Variants in BTBD10 observed in about 807,000 individuals in gnomAD.
The protein encoded by BTBD10 is BTB/POZ domain-containing protein 10.
A neutral mutation model predicts 53.2 loss-of-function variants in BTBD10; 21 were observed. That is an observed-to-expected ratio of 0.39 (90% CI 0.28 to 0.57). The LOEUF (loss-of-function observed/expected upper bound fraction) is 0.57. Ranked by LOEUF, BTBD10 falls within the 20% of genes least tolerant of loss-of-function variation. BTBD10 has a pLI of 0.53. For synonymous variants in BTBD10, 149 were observed against 192.7 expected, an observed-to-expected ratio of 0.77 and a Z score of 1.88; for missense variants, 360 against 594.7, an observed-to-expected ratio of 0.61 and a Z score of 4.10.
chr11:13,407,617 T>G (rs143077419), intron 6 of BTBD10, among the ~76,000 whole-genome samples: 1 of 152,212 alleles, frequency 6.6e-6, no homozygotes, highest in African/African-American at 2.4e-5. Context: ...TTGAATTGTG[T>G]TATTTCCTTC....
chr11:13,409,013 C>T (rs1274369434), intron 6 of BTBD10, among the ~76,000 whole-genome samples: 1 of 152,214 alleles, frequency 6.6e-6, no homozygotes, highest in East Asian at 1.9e-4. Context: ...GATCATATCA[C>T]TCTTTTGTTC....
chr11:13,449,620 A>G (rs559241695), intron 1 of BTBD10, among the ~76,000 whole-genome samples: 2 of 152,314 alleles, frequency 1.3e-5, no homozygotes, highest in African/African-American at 4.8e-5. Flanking sequence ...GCTGTAACAG[A>G]ATATCTGACA....
intron 1 of BTBD10, among the ~76,000 whole-genome samples, chr11:13,461,141 ACCT>A (rs752698353): frequency 1.1e-4 from 16 of 151,934 alleles, no homozygotes; most frequent in African/African-American, 1.7e-4. Flanking sequence ...CTTGCTTTAA[ACCT>A]CCTTTTTTTC....
chr11:13,434,762 G>A (rs1034430040), intron 2 of BTBD10, among the ~76,000 whole-genome samples: 2 of 152,238 alleles, frequency 1.3e-5, no homozygotes, highest in Non-Finnish European at 2.9e-5. Flanking sequence ...TAAATAATCA[G>A]GCGAAAGCTG....
chr11:13,442,446 G>A (rs1201715758), intron 2 of BTBD10, among the ~76,000 whole-genome samples: 1 of 152,104 alleles, frequency 6.6e-6, no homozygotes, highest in South Asian at 2.1e-4. Flanking sequence ...GGATGGTCCT[G>A]GGCAAGTTTA....
chr11:13,447,473 C>G lies in BTBD10; in HGVS notation c.-57-2292G>C, dbSNP rs142415970. On this transcript the variant is annotated intron_variant, in intron 1 of 8. Transcript: ENST00000278174. ...TCAGATACTCTTCTGAATAGGATAG[C>G]CACAGATGTCCACTGAGGGAAGAAT... 7.5e-3 allele frequency among the ~76,000 whole-genome samples: 1,135 copies of G among 152,270 alleles called. 7 individuals are homozygous for G. Among genetic ancestry groups the G allele is most frequent in the Non-Finnish European group, 0.011 (770 of 68,024 alleles).
intron 1 of BTBD10, among the ~76,000 whole-genome samples, chr11:13,450,569 C>T (rs1950838983): frequency 6.6e-6 from 1 of 152,134 alleles, no homozygotes; most frequent in Non-Finnish European, 1.5e-5. Context: ...CTCTTGATTG[C>T]TAATCTACTC....
chr11:13,453,896 A>G (rs539753422), intron 1 of BTBD10, among the ~76,000 whole-genome samples: 1 of 152,230 alleles, frequency 6.6e-6, no homozygotes, highest in South Asian at 2.1e-4. Context: ...TACTAAAAAT[A>G]TAAAAATTAG....
intron 7 of BTBD10, chr11:13,404,661 G>A (rs1949780018): frequency 1.1e-6 from 1 of 952,312 alleles, no homozygotes; most frequent in East Asian, 1.2e-4. Flanking sequence ...TAGAACTGAG[G>A]AAATAGCAAC....
At chr11:13,449,412 C>T (rs1950810541) in intron 1 of BTBD10, among the ~76,000 whole-genome samples, 1 of 150,360 alleles carries the variant, frequency 6.7e-6, no homozygotes, top group African/African-American at 2.5e-5. Context: ...CCCAGTCTAA[C>T]AAAAAGCCCA....
intron 6 of BTBD10, among the ~76,000 whole-genome samples, chr11:13,412,073 C>T (rs1358108478): frequency 2.0e-5 from 3 of 152,032 alleles, no homozygotes; most frequent in African/African-American, 2.4e-5. Context: ...TCAGGTGATC[C>T]GACCGCCTCT....
At chr11:13,416,405 G>A (rs970293696) in intron 5 of BTBD10, among the ~76,000 whole-genome samples, 11 of 151,994 alleles carry the variant, frequency 7.2e-5, no homozygotes, top group South Asian at 6.2e-4. Flanking sequence ...AACTAAAGAT[G>A]TTAACAAATA....
rs938941968 is a variant in BTBD10 at position 13,402,750 on chromosome 11, T to C, written c.1117+418A>G. Among the ~76,000 whole-genome samples, 18 of 152,316 alleles carry C rather than the reference T, an allele frequency of 1.2e-4. 2 individuals carry two copies. The highest frequency in any genetic ancestry group is 1.0e-3 in the Admixed American group (16 of 15,288). On this transcript the variant is annotated intron_variant, in intron 8 of 8. Transcript: ENST00000278174. ...ATCATACTTTAAGACATAAGTAAGC[T>C]ACTAGTAGTGCTGCTTTTACATGAA...
intron 1 of BTBD10, among the ~76,000 whole-genome samples, chr11:13,460,080 C>G (rs1039854596): frequency 1.3e-5 from 2 of 152,156 alleles, no homozygotes; most frequent in Non-Finnish European, 2.9e-5. Context: ...CTTTCATTTC[C>G]TATTTCAGAG....
At chr11:13,456,917 T>C (rs901794466) in intron 1 of BTBD10, among the ~76,000 whole-genome samples, 4 of 152,108 alleles carry the variant, frequency 2.6e-5, no homozygotes, top group Non-Finnish European at 4.4e-5. Context: ...TCCTAGCATT[T>C]TGGGAAGCTG....
At chr11:13,390,451 C>G (rs1306033203) in intron 8 of BTBD10, among the ~76,000 whole-genome samples, 1 of 151,876 alleles carries the variant, frequency 6.6e-6, no homozygotes, top group Non-Finnish European at 1.5e-5. Flanking sequence ...TCAAGAGATT[C>G]TCCTGCCTCA....
intron 1 of BTBD10, among the ~76,000 whole-genome samples, chr11:13,454,155 T>C (rs1433514628): frequency 1.3e-5 from 2 of 152,202 alleles, no homozygotes; most frequent in Non-Finnish European, 2.9e-5. Context: ...TTATAAGCAG[T>C]CTTTAACTTT....
chr11:13,434,558 C>G (rs565014651), intron 2 of BTBD10, among the ~76,000 whole-genome samples: 6 of 152,262 alleles, frequency 3.9e-5, no homozygotes, highest in Non-Finnish European at 8.8e-5. Flanking sequence ...AAGACTAGAA[C>G]AAGATTATGA....
chr11:13,440,526 CA>C (rs1950627059), intron 2 of BTBD10, among the ~76,000 whole-genome samples: 1 of 152,122 alleles, frequency 6.6e-6, no homozygotes. Context: ...TCTTTAAAAT[CA>C]AAGAGAAAAT....
Sources: gnomAD v4.1 joint callset for allele counts (sites outside exome capture counted in the v4.1 genomes callset) on GRCh38, gnomAD v4.1.1 for gene constraint, MANE v1.5 for transcripts, NCBI Gene and HGNC (gene_info 2026-07-23, HGNC 2026-07-21) for gene names.